Variants in AKAP12 observed in about 807,000 individuals in gnomAD.
The protein encoded by AKAP12 is A-kinase anchoring protein 12, also known as A-kinase anchor protein 12.
Under a neutral mutation model 79.9 loss-of-function variants are expected in AKAP12, and 32 were observed. The observed-to-expected ratio is 0.40, with a 90% CI of 0.30 to 0.54. The LOEUF is 0.54. Ranked by LOEUF, AKAP12 falls within the 20% of genes least tolerant of loss-of-function variation. The pLI is 0.48. For synonymous variants in AKAP12, 808 were observed against 857.0 expected, an observed-to-expected ratio of 0.94 and a Z score of 1.00; for missense variants, 2,074 against 2,177.0, an observed-to-expected ratio of 0.95 and a Z score of 0.94.
chr6:151,254,959 G>T (rs960510978), intron 2 of AKAP12, among the ~76,000 whole-genome samples: 3 of 152,154 alleles, frequency 2.0e-5, no homozygotes, highest in Non-Finnish European at 2.9e-5. Context: ...TTCTCAAGCA[G>T]TCCCTGTGAT....
At chr6:151,290,792 T>C (rs2114736274) in intron 2 of AKAP12, among the ~76,000 whole-genome samples, 1 of 152,284 alleles carries the variant, frequency 6.6e-6, no homozygotes, top group African/African-American at 2.4e-5. Context: ...TTATTTTTAG[T>C]AGAGACGGGG....
intron 2 of AKAP12, among the ~76,000 whole-genome samples, chr6:151,254,619 G>T (rs1018536094): frequency 6.6e-6 from 1 of 152,174 alleles, no homozygotes; most frequent in Non-Finnish European, 1.5e-5. Context: ...GGGATCAAAG[G>T]TGTGAACCAC....
chr6:151,266,024 T>C (rs1194454893), intron 2 of AKAP12, among the ~76,000 whole-genome samples: 2 of 152,218 alleles, frequency 1.3e-5, no homozygotes, highest in Non-Finnish European at 2.9e-5. Context: ...CCAAAGTGAT[T>C]TGACAAAATT....
At chr6:151,273,245 T>C (rs1444789376) in intron 2 of AKAP12, among the ~76,000 whole-genome samples, 1 of 152,232 alleles carries the variant, frequency 6.6e-6, no homozygotes, top group Non-Finnish European at 1.5e-5. Flanking sequence ...ACTTAGGTGA[T>C]GCTGTCGTGA....
rs111963593 is a variant in AKAP12, at chr6:151,349,194, AAGG to A, written c.806_808del (p.Gly269del). Reference sequence around the variant, plus strand: ...CAAGCAGTGGAGGAATGCAAAGAGGAAGGAGAAGAGAAACAAGAAAAAGAACCT... The same window carrying A: ...CAAGCAGTGGAGGAATGCAAAGAGGAAGAAGAGAAACAAGAAAAAGAACCT... On this transcript the variant is annotated inframe_deletion, in exon 4 of 5. Coordinates refer to ENST00000402676, the MANE Select transcript of AKAP12 (RefSeq NM_005100.4). The A allele has an allele frequency of 8.6e-3, 13,837 of 1,613,808 alleles. 880 individuals are homozygous for A. The African/African-American group carries it at 0.15, about 18-fold the overall frequency.
chr6:151,273,518 T>C (rs1041473079), intron 2 of AKAP12, among the ~76,000 whole-genome samples: 4 of 152,364 alleles, frequency 2.6e-5, no homozygotes. Flanking sequence ...CTGGCATTCT[T>C]CCATATAGGT....
chr6:151,286,845 C>G (rs1776514383), intron 2 of AKAP12, among the ~76,000 whole-genome samples: 1 of 152,196 alleles, frequency 6.6e-6, no homozygotes, highest in Non-Finnish European at 1.5e-5. Context: ...CAAAACAAAA[C>G]AAGTCAGGTG....
chr6:151,308,216 T>C (rs1185378847), intron 3 of AKAP12, among the ~76,000 whole-genome samples: 1 of 151,678 alleles, frequency 6.6e-6, no homozygotes, highest in East Asian at 1.9e-4. Context: ...GTTATTGTTG[T>C]TGTTTGTTTA....
intron 3 of AKAP12, chr6:151,324,632 TTG>T (rs1777479136): frequency 1.0e-6 from 1 of 985,252 alleles, no homozygotes; most frequent in Non-Finnish European, 1.2e-6. Flanking sequence ...TCCTTTTTGT[TTG>T]TGTAGGGGAA....
chr6:151,248,588 C>T (rs956244509), intron 2 of AKAP12, among the ~76,000 whole-genome samples: 5 of 152,074 alleles, frequency 3.3e-5, no homozygotes, highest in Admixed American at 6.6e-5. Context: ...GTGAGAGGGA[C>T]GGTTTCACAT....
intron 3 of AKAP12, among the ~76,000 whole-genome samples, chr6:151,311,682 T>C (rs1777108108): frequency 6.6e-6 from 1 of 152,216 alleles, no homozygotes; most frequent in African/African-American, 2.4e-5. Context: ...AGAATTTCAT[T>C]TTTCTAATGG....
chr6:151,327,149 T>G (rs2114788056), intron 3 of AKAP12, among the ~76,000 whole-genome samples: 1 of 150,366 alleles, frequency 6.7e-6, no homozygotes, highest in Middle Eastern at 3.4e-3. Context: ...AACTGTAGAA[T>G]TTCTAGGACT....
At chr6:151,282,880 A>G (rs1776436087) in intron 2 of AKAP12, among the ~76,000 whole-genome samples, 1 of 152,248 alleles carries the variant, frequency 6.6e-6, no homozygotes, top group Non-Finnish European at 1.5e-5. Context: ...CTAGATTTGT[A>G]AGAAAGTTGC....
At position 151,268,651 on chromosome 6, in the gene AKAP12, T is replaced by A. The variant is rs555602259; in HGVS notation, c.162+27927T>A. ...GGTTTTTTGTTTGTTTGAGTTTTTTTAAATTCTTTAAGACAGATTCTCACT... is the reference window on the plus strand; with the variant it reads ...GGTTTTTTGTTTGTTTGAGTTTTTTAAAATTCTTTAAGACAGATTCTCACT... On this transcript the variant is annotated intron_variant, in intron 2 of 4. Coordinates refer to ENST00000402676, the MANE Select transcript of AKAP12 (RefSeq NM_005100.4). Among the ~76,000 whole-genome samples the A allele has an allele frequency of 2.4e-4, 37 of 152,312 alleles. 1 individual carries two copies. The highest frequency in any genetic ancestry group is 4.3e-4 in the African/African-American group (18 of 41,574).
At chr6:151,257,846 G>T (rs1797331712) in intron 2 of AKAP12, among the ~76,000 whole-genome samples, 1 of 152,094 alleles carries the variant, frequency 6.6e-6, no homozygotes, top group Non-Finnish European at 1.5e-5. Context: ...GATACTTTGG[G>T]GATTGGGTGG....
intron 2 of AKAP12, among the ~76,000 whole-genome samples, chr6:151,243,733 G>T (rs1797019419): frequency 6.6e-6 from 1 of 152,166 alleles, no homozygotes; most frequent in Non-Finnish European, 1.5e-5. Flanking sequence ...TTATCTGCCA[G>T]GGTTTAATTT....
chr6:151,322,744 C>A (rs902588746), intron 3 of AKAP12, among the ~76,000 whole-genome samples: 29 of 148,364 alleles, frequency 2.0e-4, no homozygotes, highest in Non-Finnish European at 1.3e-4. Context: ...GTCCACCACC[C>A]ACTCCTGCCA....
intron 2 of AKAP12, chr6:151,299,080 G>A (rs920263029): frequency 1.3e-5 from 2 of 152,194 alleles, no homozygotes; most frequent in Non-Finnish European, 1.5e-5. Flanking sequence ...ATAATGCATA[G>A]GATACATGTG....
At chr6:151,259,201 C>T (rs934277577) in intron 2 of AKAP12, among the ~76,000 whole-genome samples, 8 of 151,216 alleles carry the variant, frequency 5.3e-5, no homozygotes, top group African/African-American at 1.2e-4. Context: ...CCTGCCACCA[C>T]GCCCCGTTAA....
Sources: allele counts gnomAD v4.1 joint callset (sites outside exome capture counted in the v4.1 genomes callset), GRCh38; gene constraint gnomAD v4.1.1; transcripts MANE v1.5; gene names NCBI Gene and HGNC (gene_info 2026-07-23, HGNC 2026-07-21).